The following PRDM5 variants were observed in gnomAD, a reference collection of about 807,000 sequenced individuals.
PRDM5 encodes the protein PR/SET domain 5.
PRDM5 carries 56 observed loss-of-function variants against 81.2 expected under a neutral mutation model. The ratio of observed to expected loss-of-function variants is 0.69; its 90% CI spans 0.56 to 0.86. The LOEUF is 0.86. Ranked by LOEUF, PRDM5 falls within the 40% of genes least tolerant of loss-of-function variation. The pLI is 0.00. For missense variants in PRDM5, 697 were observed against 770.1 expected, an observed-to-expected ratio of 0.91 and a Z score of 1.12; for synonymous variants, 267 against 256.4, an observed-to-expected ratio of 1.04 and a Z score of -0.39.
chr4:120,804,602 T>A (rs1486028505), intron 8 of PRDM5, among the ~76,000 whole-genome samples: 1 of 152,158 alleles, frequency 6.6e-6, no homozygotes, highest in Non-Finnish European at 1.5e-5. Flanking sequence ...GAATGATTAC[T>A]GGGTACATAA....
intron 2 of PRDM5, among the ~76,000 whole-genome samples, chr4:120,886,451 G>A (rs1275661151): frequency 1.3e-5 from 2 of 152,142 alleles, no homozygotes; most frequent in African/African-American, 4.8e-5. Context: ...AAAATGTCCA[G>A]TTTAATATCC....
rs537345218 is a variant in PRDM5, at chr4:120,709,334, G to A, written c.1728+975C>T. Among the ~76,000 whole-genome samples, 12 of 152,224 alleles carry A rather than the reference G, an allele frequency of 7.9e-5. No individual in the cohort carries two copies. In the South Asian group the frequency reaches 2.5e-3, roughly 32 times the overall value. ...GGGCTGTAGCTCTGTTCAGTATAGA[G>A]CTTTATATGTGTGCATTTCTTCCTC... On this transcript the variant is annotated intron_variant, in intron 15 of 15. Transcript: ENST00000264808.
chr4:120,792,623 T>A (rs940150191), intron 10 of PRDM5, among the ~76,000 whole-genome samples: 1 of 152,148 alleles, frequency 6.6e-6, no homozygotes, highest in Non-Finnish European at 1.5e-5. Flanking sequence ...ACTCTCAGGT[T>A]CATTGCGTAA....
chr4:120,781,336 T>C (rs752042272), intron 11 of PRDM5, 33 bp from the exon 12 acceptor site: 4 of 1,596,400 alleles, frequency 2.5e-6, no homozygotes, highest in African/African-American at 2.7e-5. Context: ...TAAGAAGCAA[T>C]AGCAGGGTCC....
intron 10 of PRDM5, among the ~76,000 whole-genome samples, chr4:120,787,866 A>G (rs1321148261): frequency 6.6e-6 from 1 of 152,202 alleles, no homozygotes; most frequent in African/African-American, 2.4e-5. Context: ...ATAAGGTATA[A>G]GATGGAGATG....
chr4:120,859,689 A>G (rs1211911557), intron 2 of PRDM5, among the ~76,000 whole-genome samples: 1 of 152,310 alleles, frequency 6.6e-6, no homozygotes, highest in African/African-American at 2.4e-5. Flanking sequence ...GTATTGACAC[A>G]CTTTCTTATG....
chr4:120,834,362 G>A (rs548519585), intron 3 of PRDM5, among the ~76,000 whole-genome samples: 2 of 152,132 alleles, frequency 1.3e-5, no homozygotes, highest in East Asian at 1.9e-4. Context: ...CTTATAAAAT[G>A]GGCCCTAGAG....
chr4:120,845,950 T>G (rs757364392), intron 3 of PRDM5, among the ~76,000 whole-genome samples: 3 of 152,180 alleles, frequency 2.0e-5, no homozygotes, highest in Non-Finnish European at 4.4e-5. Context: ...GAGAAGTAAC[T>G]GCAGATGTGA....
downstream of PRDM5, among the ~76,000 whole-genome samples, chr4:120,690,361 C>G (rs554905670): frequency 1.3e-5 from 2 of 152,242 alleles, no homozygotes; most frequent in South Asian, 4.1e-4. Flanking sequence ...GCCTCCAATA[C>G]AAGCTCAGGC....
chr4:120,737,232 AC>A (rs1442124295), intron 14 of PRDM5, among the ~76,000 whole-genome samples: 1 of 152,204 alleles, frequency 6.6e-6, no homozygotes, highest in Non-Finnish European at 1.5e-5. Context: ...CAGACAGGCA[AC>A]CAGGGAAGGC....
intron 11 of PRDM5, 81 bp downstream of exon 11, chr4:120,784,917 G>A: frequency 9.1e-7 from 1 of 1,094,052 alleles, no homozygotes. Flanking sequence ...CACACCTCTG[G>A]GATGTCTACA....
chr4:120,710,464 CAG>C, intron 14 of PRDM5, 51 bp from the exon 15 acceptor site: 1 of 1,362,974 alleles, frequency 7.3e-7, no homozygotes, highest in Non-Finnish European at 1.0e-6. Context: ...TGAATGAATG[CAG>C]AGTCCTCCAT....
At chr4:120,763,403 T>C (rs1348936718) in intron 13 of PRDM5, among the ~76,000 whole-genome samples, 3 of 152,158 alleles carry the variant, frequency 2.0e-5, no homozygotes, top group Non-Finnish European at 4.4e-5. Context: ...GAGCATAAAT[T>C]ACCCTCATTA....
chr4:120,712,362 C>G (rs1480668502), intron 14 of PRDM5, among the ~76,000 whole-genome samples: 1 of 151,574 alleles, frequency 6.6e-6, no homozygotes, highest in Non-Finnish European at 1.5e-5. Flanking sequence ...TTTATATTTT[C>G]TCTCTAGTAT....
intron 15 of PRDM5, among the ~76,000 whole-genome samples, chr4:120,702,295 C>T (rs987436716): frequency 6.6e-6 from 1 of 152,144 alleles, no homozygotes; most frequent in African/African-American, 2.4e-5. Flanking sequence ...TGAGCTCTAG[C>T]CAAACTAAAC....
chr4:120,752,619 T>C (rs61055437), intron 14 of PRDM5, among the ~76,000 whole-genome samples: 5,334 of 152,280 alleles, frequency 0.035, 311 homozygotes, highest in African/African-American at 0.12. Context: ...GGGTCATTAC[T>C]GTAATTTGCT....
intron 14 of PRDM5, among the ~76,000 whole-genome samples, chr4:120,740,876 A>T (rs967344524): frequency 1.3e-5 from 2 of 152,218 alleles, no homozygotes; most frequent in African/African-American, 4.8e-5. Flanking sequence ...CCAACTGCTC[A>T]ATCTCAGCCT....
At chr4:120,910,762 G>A (rs1459569032) in intron 1 of PRDM5, among the ~76,000 whole-genome samples, 1 of 152,098 alleles carries the variant, frequency 6.6e-6, no homozygotes, top group Non-Finnish European at 1.5e-5. Context: ...GTATATACAT[G>A]TGCCTTAGTA....
chr4:120,687,752 G>A (rs989799802), downstream of PRDM5, among the ~76,000 whole-genome samples: 1 of 152,118 alleles, frequency 6.6e-6, no homozygotes, highest in African/African-American at 2.4e-5. Context: ...GCCCTTATGA[G>A]TGAATTAATG....
Sources: allele counts gnomAD v4.1 joint callset (sites outside exome capture counted in the v4.1 genomes callset), GRCh38; gene constraint gnomAD v4.1.1; transcripts MANE v1.5; gene names NCBI Gene and HGNC (gene_info 2026-07-23, HGNC 2026-07-21).